ZNF93: variants seen among roughly 807,000 people sequenced by gnomAD.
ZNF93 encodes the protein zinc finger protein 505.
ZNF93 carries 29 observed loss-of-function variants against 45.0 expected under a neutral mutation model. That is an observed-to-expected ratio of 0.64 (90% CI 0.48 to 0.88). The LOEUF is 0.88. ZNF93 is among the 40% of genes least tolerant of loss of function. The pLI is 0.00. For synonymous variants in ZNF93, 223 were observed against 244.6 expected, an observed-to-expected ratio of 0.91 and a Z score of 0.82; for missense variants, 578 against 724.0, an observed-to-expected ratio of 0.80 and a Z score of 2.31.
chr19:19,924,390 C>T (rs1030202034), intron 3 of ZNF93, among the ~76,000 whole-genome samples: 8 of 151,914 alleles, frequency 5.3e-5, no homozygotes, highest in Non-Finnish European at 1.2e-4. Flanking sequence ...CGCACCCAGC[C>T]GGATTTTTTT....
chr19:19,931,393 G>C (rs1255310604), intron 3 of ZNF93, among the ~76,000 whole-genome samples: 1 of 152,066 alleles, frequency 6.6e-6, no homozygotes, highest in Non-Finnish European at 1.5e-5. Context: ...ATTTCACTAT[G>C]ATGGCCAGGC....
intron 3 of ZNF93, among the ~76,000 whole-genome samples, chr19:19,925,881 G>A (rs2063354545): frequency 6.6e-6 from 1 of 152,002 alleles, no homozygotes; most frequent in Non-Finnish European, 1.5e-5. Context: ...TTTTGTGTAA[G>A]AATAGCATAT....
rs562254502 is a variant in ZNF93 at position 19,918,076 on chromosome 19, A to C, written c.226+1421A>C. 3.4e-4 allele frequency among the ~76,000 whole-genome samples: 51 copies of C among 151,768 alleles called. 1 individual carries two copies. The South Asian group carries it at 0.01, about 30-fold the overall frequency. On this transcript the variant is annotated intron_variant, in intron 3 of 3. Transcript: ENST00000343769. ...TTAAGTCGTCATTTACATTAGGTGT[A>C]TCTCCTAATGCTATCCCTCCCCCGT...
rs542502473 is a variant in ZNF93 at position 19,932,033 on chromosome 19, T to C, written c.227-1149T>C. 8.9e-4 allele frequency: 315 copies of C among 353,080 alleles called. 5 individuals are homozygous for C. The Middle Eastern group carries it at 0.011, about 12-fold the overall frequency. The allele number at this position is 353,080 out of a possible 1,614,324, so 21.9% of individuals were successfully genotyped here. ...GTGCACGCCTGTTATCCCAGCACTTTGGGAGGCCAAGGTGGGTGGATCCCG... is the reference window on the plus strand; with the variant it reads ...GTGCACGCCTGTTATCCCAGCACTTCGGGAGGCCAAGGTGGGTGGATCCCG... On this transcript the variant is annotated intron_variant, in intron 3 of 3. Transcript: ENST00000343769.
intron 1 of ZNF93, among the ~76,000 whole-genome samples, chr19:19,902,128 A>G (rs1010386193): frequency 1.3e-5 from 2 of 152,168 alleles, no homozygotes; most frequent in African/African-American, 4.8e-5. Context: ...TCCCTTATGT[A>G]AATACTGTGT....
Position 19,900,976 on chromosome 19 carries a change from C to G in ZNF93, c.-113C>G. 1 of 1,536,224 alleles carries G rather than the reference C, an allele frequency of 6.5e-7. No individual in the cohort carries two copies. Among genetic ancestry groups the G allele is most frequent in the South Asian group, 1.1e-5 (1 of 89,414 alleles). ...TCGGTGCAGCCGGAGCTCCAGGTCT[C>G]CTCTTCACTACTCTGTGTCCTGTGC... On this transcript the variant is annotated 5_prime_UTR_variant, in exon 1 of 4. Transcript: ENST00000343769.
At chr19:19,910,148 A>C (rs1419239466) in intron 1 of ZNF93, among the ~76,000 whole-genome samples, 1 of 151,942 alleles carries the variant, frequency 6.6e-6, no homozygotes, top group Non-Finnish European at 1.5e-5. Flanking sequence ...ACAGGTAAAC[A>C]CCTGTGGCTA....
At chr19:19,917,299 T>C (rs1295458895) in intron 3 of ZNF93, among the ~76,000 whole-genome samples, 1 of 151,692 alleles carries the variant, frequency 6.6e-6, no homozygotes, top group Admixed American at 6.6e-5. Flanking sequence ...AATCTGTAGA[T>C]TACTTTGGAT....
chr19:19,915,249 C>T (rs767634148), intron 1 of ZNF93, 31 bp from the exon 2 acceptor site: 2 of 1,612,998 alleles, frequency 1.2e-6, no homozygotes, highest in Admixed American at 3.3e-5. Context: ...CCCATGGCCA[C>T]TTGGTGAAAA....
rs1298763679 is a variant in ZNF93, at chr19:19,934,676, TTA to T, written c.1722_1723del (p.Phe574LeufsTer10). On this transcript the variant is annotated frameshift_variant, in exon 4 of 4. Coordinates refer to ENST00000343769, the MANE Select transcript of ZNF93 (RefSeq NM_031218.4). LOFTEE classifies it high-confidence loss of function. ...AGATGTAGAGAATGTGGCAAAGCTTTTAACCATTCTGCAACCCTTTCTTCACA... is the reference window on the plus strand; with the variant it reads ...AGATGTAGAGAATGTGGCAAAGCTTTACCATTCTGCAACCCTTTCTTCACA... The T allele has an allele frequency of 1.2e-6, 2 of 1,613,802 alleles. No individual in the cohort carries two copies. Among genetic ancestry groups the T allele is most frequent in the South Asian group, 2.2e-5 (2 of 91,054 alleles).
chr19:19,925,533 T>C (rs540254148), intron 3 of ZNF93, among the ~76,000 whole-genome samples: 1 of 152,356 alleles, frequency 6.6e-6, no homozygotes, highest in South Asian at 2.1e-4. Flanking sequence ...ATTTTTACTT[T>C]CTATTTTCTA....
intron 3 of ZNF93, among the ~76,000 whole-genome samples, chr19:19,919,880 A>G (rs2063337849): frequency 2.0e-5 from 3 of 152,190 alleles, no homozygotes; most frequent in Admixed American, 2.0e-4. Context: ...TAGATATACA[A>G]TCATGTCATC....
At position 19,933,840 on chromosome 19, in the gene ZNF93, C is replaced by A. The variant is rs780435041; in HGVS notation, c.885C>A (p.Asn295Lys). The A allele has an allele frequency of 2.5e-6, 4 of 1,607,930 alleles. No individual in the cohort carries two copies. In the Admixed American group the frequency reaches 6.7e-5, roughly 27 times the overall value. Residue 295 changes from asparagine (N) to lysine (K), a missense_variant, in exon 4 of 4, where the codon AAC becomes AAA. By Grantham distance (94) the Asn-to-Lys change is moderately conservative (BLOSUM62 0). Transcript: ENST00000343769. ...GTGAAGAATGTGGCAAAGCTTTTAA[C>A]CAATCCTCAACACTTACTAAACATA... is the stretch of plus-strand genomic sequence containing the variant. ...YKCEECGKAF[N>K]QSSTLTKHKK... is the part of the protein sequence containing the mutation.
rs768574880 is a variant in ZNF93 at position 19,933,945 on chromosome 19, A to C, written c.990A>C (p.Thr330=). The C allele has an allele frequency of 6.2e-7, 1 of 1,612,556 alleles. No homozygotes were observed. The highest frequency in any genetic ancestry group is 1.1e-5 in the South Asian group (1 of 90,940). The part of the protein sequence containing the change: ...KAFKYSRILT[T]HKRIHTGEKP... ...TTAAGTACTCCCGTATCCTTACTAC[A>C]CATAAGAGAATTCATACTGGAGAGA... The change falls in exon 4 of 4, where the codon ACA becomes ACC. Residue 330 remains threonine, a synonymous_variant. Coordinates refer to ENST00000343769, the MANE Select transcript of ZNF93 (RefSeq NM_031218.4).
intron 3 of ZNF93, among the ~76,000 whole-genome samples, chr19:19,925,859 A>G (rs981526894): frequency 6.6e-6 from 1 of 152,168 alleles, no homozygotes; most frequent in African/African-American, 2.4e-5. Flanking sequence ...AAATTGGATT[A>G]CAGCAGTTTC....
chr19:19,918,572 T>G (rs1256789016), intron 3 of ZNF93, among the ~76,000 whole-genome samples: 1 of 152,152 alleles, frequency 6.6e-6, no homozygotes, highest in Non-Finnish European at 1.5e-5. Flanking sequence ...CCACCAACAG[T>G]GTAAAAGTGT....
chr19:19,926,506 CAG>C (rs775394276), intron 3 of ZNF93, among the ~76,000 whole-genome samples: 4 of 145,882 alleles, frequency 2.7e-5, no homozygotes, highest in South Asian at 2.2e-4. Context: ...TTTTCCGAGA[CAG>C]AGTCTCACTC....
At chr19:19,918,915 T>C (rs1293983784) in intron 3 of ZNF93, among the ~76,000 whole-genome samples, 2 of 150,512 alleles carry the variant, frequency 1.3e-5, no homozygotes, top group Non-Finnish European at 2.9e-5. Flanking sequence ...CTGTTCACTC[T>C]GATGGTAGTT....
In ZNF93 at chr19:19,926,598, G is replaced by A. The variant is rs148268460; in HGVS notation, c.227-6584G>A. On this transcript the variant is annotated intron_variant, in intron 3 of 3. Transcript: ENST00000343769. ...TCCGGGGTTCAAGGGATTGTGGTTC[G>A]TGCCTCAGCCTCCCAAAGTGCTAAG... Among the ~76,000 whole-genome samples the A allele has an allele frequency of 4.4e-3, 651 of 148,434 alleles. 4 individuals carry two copies. Among genetic ancestry groups the A allele is most frequent in the African/African-American group, 6.0e-3 (243 of 40,232 alleles).
Sources: gnomAD v4.1 joint callset for allele counts (sites outside exome capture counted in the v4.1 genomes callset) on GRCh38, gnomAD v4.1.1 for gene constraint, MANE v1.5 for transcripts, NCBI Gene and HGNC (gene_info 2026-07-23, HGNC 2026-07-21) for gene names.